Variants in CENPP observed in about 807,000 individuals in gnomAD.
The protein encoded by CENPP is centromere protein P.
In CENPP, 24 loss-of-function variants were observed where a neutral mutation model predicts 35.6. The ratio of observed to expected loss-of-function variants is 0.67; its 90% CI spans 0.49 to 0.95. CENPP has a LOEUF of 0.95. Among genes scored for constraint, CENPP ranks in the 40% least tolerant of loss-of-function variants. CENPP has a pLI of 0.00. For missense variants in CENPP, 332 were observed against 345.3 expected (o/e 0.96, Z 0.31); for synonymous variants, 120 against 125.5 (o/e 0.96, Z 0.29).
intron 5 of CENPP, among the ~76,000 whole-genome samples, chr9:92,588,058 T>G (rs139893224): frequency 0.04 from 6,049 of 152,052 alleles, 184 homozygotes; most frequent in South Asian, 0.099. Flanking sequence ...GAGAATCACT[T>G]GAACCCAGGA....
chr9:92,328,770 A>ATCAT (rs1172829802), intron 1 of CENPP, among the ~76,000 whole-genome samples: 1 of 152,262 alleles, frequency 6.6e-6, no homozygotes, highest in Non-Finnish European at 1.5e-5. Flanking sequence ...TCAAACTAAC[A>ATCAT]TCATTAGTTG....
intron 5 of CENPP, among the ~76,000 whole-genome samples, chr9:92,396,638 A>G (rs1371014298): frequency 6.6e-6 from 1 of 151,042 alleles, no homozygotes; most frequent in East Asian, 2.0e-4. Flanking sequence ...ATCATGGTTC[A>G]CTGCAAACCT....
intron 5 of CENPP, among the ~76,000 whole-genome samples, chr9:92,574,496 G>T (rs61546234): frequency 1.3e-5 from 2 of 152,038 alleles, no homozygotes; most frequent in Non-Finnish European, 2.9e-5. Flanking sequence ...CATAAAAAAA[G>T]AATAAAATAC....
chr9:92,337,655 A>G, intron 3 of CENPP, 26 bp downstream of exon 3: 2 of 1,311,906 alleles, frequency 1.5e-6, no homozygotes, highest in Non-Finnish European at 2.2e-6. Flanking sequence ...TGTTGTGATA[A>G]CAGAGATACT....
chr9:92,567,380 A>ATC (rs1554688251), intron 5 of CENPP, among the ~76,000 whole-genome samples: 1 of 92,734 alleles, frequency 1.1e-5, no homozygotes, highest in Non-Finnish European at 2.1e-5. Context: ...ATAGATATAT[A>ATC]TATATATATA....
intron 4 of CENPP, among the ~76,000 whole-genome samples, chr9:92,364,207 A>T (rs75427491): frequency 4.6e-5 from 7 of 151,072 alleles, no homozygotes; most frequent in African/African-American, 9.7e-5. Context: ...AGAAAAAAAA[A>T]TTTTTTTAGA....
At chr9:92,359,013 G>A (rs1391580372) in intron 4 of CENPP, among the ~76,000 whole-genome samples, 6 of 139,576 alleles carry the variant, frequency 4.3e-5, no homozygotes, top group African/African-American at 1.4e-4. Flanking sequence ...GTAATGGCAT[G>A]ATCTGGGTGC....
intron 5 of CENPP, among the ~76,000 whole-genome samples, chr9:92,570,098 C>T (rs929821900): frequency 6.6e-6 from 1 of 152,110 alleles, no homozygotes; most frequent in African/African-American, 2.4e-5. Context: ...TTGCTCTGGC[C>T]AGAGCTTCCA....
rs112582094 is a variant in CENPP, at chr9:92,541,136, A to G, written c.565-70178A>G. The stretch of plus-strand genomic sequence containing the variant: ...TAGCCAGGTGCGGTGGCGGGTGCCT[A>G]TAGTCCCAGCTACTCGGAAGGCTGA... On this transcript the variant is annotated intron_variant, in intron 5 of 7. Coordinates refer to ENST00000375587, the MANE Select transcript of CENPP (RefSeq NM_001012267.3). Among the ~76,000 whole-genome samples, 14 of 150,940 alleles carry G rather than the reference A, an allele frequency of 9.3e-5. 1 individual carries two copies. Among genetic ancestry groups the G allele is most frequent in the African/African-American group, 3.4e-4 (14 of 41,136 alleles).
chr9:92,329,103 G>A (rs574850694), intron 1 of CENPP, among the ~76,000 whole-genome samples: 5 of 151,792 alleles, frequency 3.3e-5, no homozygotes, highest in East Asian at 3.9e-4. Flanking sequence ...TTGCTCTATC[G>A]GAAATACCTT....
intron 5 of CENPP, among the ~76,000 whole-genome samples, chr9:92,439,240 A>G (rs1844323359): frequency 6.6e-6 from 1 of 152,170 alleles, no homozygotes; most frequent in South Asian, 2.1e-4. Context: ...AGACTATTTT[A>G]AAGTAGACCT....
intron 5 of CENPP, among the ~76,000 whole-genome samples, chr9:92,471,791 C>G (rs147436402): frequency 6.6e-6 from 1 of 151,958 alleles, no homozygotes; most frequent in East Asian, 2.0e-4. Flanking sequence ...CTTAGCCTCC[C>G]GAGTAGCTAG....
intron 5 of CENPP, chr9:92,457,016 AAG>A: frequency 8.6e-7 from 1 of 1,164,516 alleles, no homozygotes; most frequent in Non-Finnish European, 1.1e-6. Context: ...TTTTGTTATG[AAG>A]AAAGGAATGG....
chr9:92,471,118 G>T (rs1350059927), intron 5 of CENPP, among the ~76,000 whole-genome samples: 1 of 152,082 alleles, frequency 6.6e-6, no homozygotes. Context: ...ACCTTTGGCT[G>T]AGGAATGTTA....
intron 5 of CENPP, among the ~76,000 whole-genome samples, chr9:92,546,336 CCTTCCACTGTGTGGAAG>C (rs1296552024): frequency 6.6e-6 from 1 of 152,124 alleles, no homozygotes; most frequent in Non-Finnish European, 1.5e-5. Flanking sequence ...CCAGAGGTCC[CCTTCCACTGTGTGGAAG>C]CTTTGTTCTT....
At chr9:92,343,273 G>A (rs952302700) in intron 3 of CENPP, among the ~76,000 whole-genome samples, 1 of 152,298 alleles carries the variant, frequency 6.6e-6, no homozygotes, top group Middle Eastern at 3.4e-3. Context: ...GATTACTCAT[G>A]TTGGTGCAGC....
At chr9:92,533,854 G>A (rs1849008044) in intron 5 of CENPP, among the ~76,000 whole-genome samples, 2 of 151,910 alleles carry the variant, frequency 1.3e-5, no homozygotes, top group South Asian at 4.2e-4. Flanking sequence ...TAGTGTTGCC[G>A]ATGAGAAATT....
chr9:92,507,187 G>A (rs1393790354), intron 5 of CENPP, among the ~76,000 whole-genome samples: 3 of 152,188 alleles, frequency 2.0e-5, no homozygotes, highest in Non-Finnish European at 4.4e-5. Flanking sequence ...CCTGGTGGTG[G>A]TGCTCAGGAT....
At chr9:92,450,455 A>G (rs1207899251) in intron 5 of CENPP, among the ~76,000 whole-genome samples, 2 of 152,000 alleles carry the variant, frequency 1.3e-5, no homozygotes, top group Admixed American at 6.5e-5. Context: ...ATAGTATTCC[A>G]TGGTGTATAT....
Sources: allele counts gnomAD v4.1 joint callset (sites outside exome capture counted in the v4.1 genomes callset), GRCh38; gene constraint gnomAD v4.1.1; transcripts MANE v1.5; gene names NCBI Gene and HGNC (gene_info 2026-07-23, HGNC 2026-07-21).